The following CNIH3 variants were observed in gnomAD, a reference collection of about 807,000 sequenced individuals.
CNIH3 encodes cornichon family AMPA receptor auxiliary protein 3, also known as protein cornichon homolog 3.
A neutral mutation model predicts 24.1 loss-of-function variants in CNIH3; 14 were observed. The observed-to-expected ratio is 0.58, with a 90% CI of 0.38 to 0.91. CNIH3 has a LOEUF of 0.91. Ranked by LOEUF, CNIH3 falls within the 40% of genes least tolerant of loss-of-function variation. CNIH3 has a pLI of 0.00. For missense variants in CNIH3, 178 were observed against 196.8 expected (o/e 0.90, Z 0.57); for synonymous variants, 68 against 73.8 (o/e 0.92, Z 0.40).
chr1:224,544,811 C>T (rs1679642230), intron 2 of CNIH3, among the ~76,000 whole-genome samples: 1 of 152,236 alleles, frequency 6.6e-6, no homozygotes, highest in Non-Finnish European at 1.5e-5. Flanking sequence ...GCTATTGCTG[C>T]TGTCACTGCT....
Position 224,739,432 on chromosome 1 carries a change from T to C in CNIH3, c.*76T>C, listed in dbSNP as rs1689764545. ...GGAGAGGTGCATTTCTGCTGGTGAC[T>C]GGAGGAGGGACCAGAATGAGGATAC... On this transcript the variant is annotated 3_prime_UTR_variant, in exon 6 of 6. Coordinates refer to ENST00000272133, the MANE Select transcript of CNIH3 (RefSeq NM_152495.2). 1.3e-6 allele frequency: 2 copies of C among 1,583,108 alleles called. No homozygotes were observed. Among genetic ancestry groups the C allele is most frequent in the South Asian group, 1.2e-5 (1 of 85,154 alleles).
chr1:224,705,856 T>C (rs1350666050), intron 3 of CNIH3, among the ~76,000 whole-genome samples: 2 of 121,346 alleles, frequency 1.6e-5, no homozygotes, highest in Non-Finnish European at 3.4e-5. Context: ...TTTTCTTTTT[T>C]TTCTTTTTTT....
intron 3 of CNIH3, among the ~76,000 whole-genome samples, chr1:224,554,508 CT>C (rs559766696): frequency 3.9e-5 from 6 of 151,966 alleles, no homozygotes; most frequent in South Asian, 4.2e-4. Flanking sequence ...CACCTGCAGA[CT>C]TTTTTTCTTG....
intron 3 of CNIH3, among the ~76,000 whole-genome samples, chr1:224,709,677 C>T (rs971088249): frequency 4.6e-5 from 7 of 152,176 alleles, no homozygotes; most frequent in African/African-American, 1.7e-4. Context: ...GAAGCCAGGC[C>T]ACAGGCTTCC....
intron 3 of CNIH3, among the ~76,000 whole-genome samples, chr1:224,686,101 C>T (rs1425445202): frequency 6.6e-6 from 1 of 151,476 alleles, no homozygotes; most frequent in Non-Finnish European, 1.5e-5. Flanking sequence ...TGGTGTGCTG[C>T]ACCCATTGAC....
chr1:224,710,866 CCTCT>C (rs1688100140), intron 3 of CNIH3, among the ~76,000 whole-genome samples: 1 of 152,094 alleles, frequency 6.6e-6, no homozygotes, highest in African/African-American at 2.4e-5. Context: ...TGATCTCTGC[CCTCT>C]CTATTTTACT....
At chr1:224,521,466 C>G (rs1003033336) in intron 2 of CNIH3, 4 of 152,184 alleles carry the variant, frequency 2.6e-5, no homozygotes, top group African/African-American at 9.7e-5. Context: ...CAGAAACACA[C>G]ACTGGGTTTT....
chr1:224,475,887 G>C (rs1572324838), intron 1 of CNIH3, among the ~76,000 whole-genome samples: 1 of 152,134 alleles, frequency 6.6e-6, no homozygotes, highest in South Asian at 2.1e-4. Flanking sequence ...ATTAAAAAAA[G>C]CATTCATCAT....
At chr1:224,619,467 A>G (rs1683179468) in intron 1 of CNIH3, among the ~76,000 whole-genome samples, 1 of 152,184 alleles carries the variant, frequency 6.6e-6, no homozygotes, top group East Asian at 1.9e-4. Flanking sequence ...AATTACGGTA[A>G]TAATTTCATA....
chr1:224,730,374 C>A, intron 3 of CNIH3, 88 bp from the exon 4 acceptor site: 1 of 792,786 alleles, frequency 1.3e-6, no homozygotes, highest in Non-Finnish European at 2.1e-6. Flanking sequence ...CTGTGAGAGG[C>A]AGTGTCCAGG....
chr1:224,690,549 A>G (rs1686880460), intron 3 of CNIH3, among the ~76,000 whole-genome samples: 1 of 152,166 alleles, frequency 6.6e-6, no homozygotes, highest in Non-Finnish European at 1.5e-5. Flanking sequence ...TTTGAGTTAG[A>G]TTGAGGCTGC....
chr1:224,544,140 G>A (rs1315384933), intron 2 of CNIH3, among the ~76,000 whole-genome samples: 2 of 152,218 alleles, frequency 1.3e-5, no homozygotes, highest in East Asian at 1.9e-4. Flanking sequence ...AGATATTTAA[G>A]CCCCAAGTTT....
intron 1 of CNIH3, among the ~76,000 whole-genome samples, chr1:224,650,452 G>A (rs1684809439): frequency 6.6e-6 from 1 of 152,186 alleles, no homozygotes; most frequent in Admixed American, 6.5e-5. Context: ...GCAAATTTAT[G>A]TAAAAGAATG....
chr1:224,530,964 TC>T (rs886221491), intron 2 of CNIH3, among the ~76,000 whole-genome samples: 53 of 152,142 alleles, frequency 3.5e-4, no homozygotes, highest in African/African-American at 1.3e-3. Flanking sequence ...TCTCCTTTTT[TC>T]CCCCCTAGGA....
At chr1:224,639,816 C>G (rs1045933021) in intron 1 of CNIH3, among the ~76,000 whole-genome samples, 3 of 152,086 alleles carry the variant, frequency 2.0e-5, no homozygotes, top group Non-Finnish European at 4.4e-5. Context: ...TTCTGCTGAC[C>G]CCAAGATTAT....
intron 1 of CNIH3, among the ~76,000 whole-genome samples, chr1:224,624,073 T>C (rs1416598070): frequency 6.6e-6 from 1 of 152,232 alleles, no homozygotes; most frequent in Non-Finnish European, 1.5e-5. Context: ...TTGGCAAGTG[T>C]CAGCATTTTG....
intron 1 of CNIH3, among the ~76,000 whole-genome samples, chr1:224,460,811 C>G (rs1675879521): frequency 6.6e-6 from 1 of 150,984 alleles, no homozygotes; most frequent in African/African-American, 2.4e-5. Flanking sequence ...ATTTGGTCAC[C>G]CAGGCTGGAG....
At position 224,439,337 on chromosome 1, in the gene CNIH3, C is replaced by T. The variant is rs114654834; in HGVS notation, n.203+4475C>T. Among the ~76,000 whole-genome samples the T allele has an allele frequency of 9.6e-3, 1,462 of 152,298 alleles. 25 individuals are homozygous for T. Among genetic ancestry groups the T allele is most frequent in the African/African-American group, 0.033 (1,355 of 41,564 alleles). On this transcript the variant is annotated intron_variant and non_coding_transcript_variant, in intron 1 of 5. Coordinates refer to the CNIH3 transcript ENST00000471578. ...CCAGCAGTGAACAGTTAGACATATT[C>T]ACCTTCCTCTAGGTGGAAAACAGTC... is the stretch of plus-strand genomic sequence containing the variant.
chr1:224,716,352 C>T (rs1688429184), intron 3 of CNIH3, among the ~76,000 whole-genome samples: 1 of 152,208 alleles, frequency 6.6e-6, no homozygotes, highest in Non-Finnish European at 1.5e-5. Flanking sequence ...CTACACTAGC[C>T]TATAAGCCTA....
Sources: allele counts gnomAD v4.1 joint callset (sites outside exome capture counted in the v4.1 genomes callset), GRCh38; gene constraint gnomAD v4.1.1; transcripts MANE v1.5; gene names NCBI Gene and HGNC (gene_info 2026-07-23, HGNC 2026-07-21).